The following WWTR1 variants were observed in gnomAD, a reference collection of about 807,000 sequenced individuals.
WWTR1 encodes the protein WW domain-containing transcription regulator protein 1.
A neutral mutation model predicts 40.1 loss-of-function variants in WWTR1; 13 were observed. The ratio of observed to expected loss-of-function variants is 0.32; its 90% CI spans 0.21 to 0.52. WWTR1 has a LOEUF of 0.52. WWTR1 is among the 20% of genes least tolerant of loss of function. WWTR1 has a pLI of 0.97. For synonymous variants in WWTR1, 230 were observed against 210.1 expected (o/e 1.09, Z -0.82); for missense variants, 436 against 523.1 (o/e 0.83, Z 1.63).
intron 2 of WWTR1, among the ~76,000 whole-genome samples, chr3:149,610,106 G>A (rs1360674200): frequency 1.3e-5 from 2 of 152,052 alleles, no homozygotes; most frequent in Non-Finnish European, 2.9e-5. Context: ...AAGCATTTTT[G>A]TTTTCCCTTG....
At chr3:149,541,303 TG>T in intron 4 of WWTR1, among the ~76,000 whole-genome samples, 1 of 152,224 alleles carries the variant, frequency 6.6e-6, no homozygotes, top group East Asian at 1.9e-4. Flanking sequence ...GAGAGCACTG[TG>T]GGTTCTTTTA....
chr3:149,669,152 C>A (rs1477103101), intron 2 of WWTR1, among the ~76,000 whole-genome samples: 1 of 152,098 alleles, frequency 6.6e-6, no homozygotes, highest in South Asian at 2.1e-4. Flanking sequence ...AATAAGAACC[C>A]CACATATACA....
chr3:149,565,027 A>G (rs1321533176), intron 3 of WWTR1, among the ~76,000 whole-genome samples: 1 of 151,868 alleles, frequency 6.6e-6, no homozygotes, highest in Non-Finnish European at 1.5e-5. Context: ...CCTCTACTAA[A>G]AAGTACAAAA....
chr3:149,644,603 G>A (rs1712376459), intron 2 of WWTR1, among the ~76,000 whole-genome samples: 1 of 152,182 alleles, frequency 6.6e-6, no homozygotes, highest in African/African-American at 2.4e-5. Context: ...TTTAATCCAT[G>A]TCTGTACTCT....
intron 5 of WWTR1, among the ~76,000 whole-genome samples, chr3:149,711,353 G>C (rs1715473352): frequency 6.6e-6 from 1 of 152,016 alleles, no homozygotes; most frequent in Admixed American, 6.6e-5. Context: ...TCAGGATCTT[G>C]ATATAATAGT....
chr3:149,667,426 T>C (rs1038556385), intron 2 of WWTR1, among the ~76,000 whole-genome samples: 21 of 151,820 alleles, frequency 1.4e-4, no homozygotes, highest in Non-Finnish European at 5.9e-5. Context: ...TGGGCACCTG[T>C]AGTCCCAGCT....
upstream of WWTR1, among the ~76,000 whole-genome samples, chr3:149,706,735 A>G (rs376925115): frequency 2.6e-5 from 4 of 152,224 alleles, no homozygotes; most frequent in East Asian, 3.8e-4. Context: ...ATATTATTAT[A>G]AAGTAAAACA....
chr3:149,593,388 C>CTT (rs549589219), intron 2 of WWTR1, among the ~76,000 whole-genome samples: 7,710 of 144,476 alleles, frequency 0.053, 528 homozygotes, highest in African/African-American at 0.17. Flanking sequence ...AGTTTTCTTT[C>CTT]TTTTTTTTTT....
intron 3 of WWTR1, among the ~76,000 whole-genome samples, chr3:149,558,241 C>T (rs961952687): frequency 4.0e-5 from 6 of 151,802 alleles, no homozygotes; most frequent in Non-Finnish European, 5.9e-5. Flanking sequence ...AGACAGTCAA[C>T]TGCTTGTGAC....
chr3:149,529,673 AG>A (rs1393299609), intron 4 of WWTR1, among the ~76,000 whole-genome samples: 2 of 152,190 alleles, frequency 1.3e-5, no homozygotes, highest in East Asian at 1.9e-4. Context: ...CATGGCAGGC[AG>A]GGTGCATTAG....
At chr3:149,653,784 CA>C (rs1370770778) in intron 2 of WWTR1, among the ~76,000 whole-genome samples, 1 of 152,120 alleles carries the variant, frequency 6.6e-6, no homozygotes, top group Non-Finnish European at 1.5e-5. Context: ...AAGTAGACAG[CA>C]ACAGATTAGA....
chr3:149,596,468 CTGAT>C (rs747402138), intron 2 of WWTR1, among the ~76,000 whole-genome samples: 1 of 151,498 alleles, frequency 6.6e-6, no homozygotes, highest in Non-Finnish European at 1.5e-5. Context: ...TGTCAGTGCA[CTGAT>C]TAAGTTAGAA....
chr3:149,520,830 C>G lies in WWTR1; in HGVS notation c.1178G>C (p.Ser393Thr), dbSNP rs1202416815. 1 of 1,605,748 alleles carries G rather than the reference C, an allele frequency of 6.2e-7. No homozygotes were observed. The highest frequency in any genetic ancestry group is 1.3e-5 in the African/African-American group (1 of 74,270). Residue 393 changes from serine to threonine, a missense_variant, in exon 7 of 7, where the codon AGT becomes ACT. Physicochemically the swap from Ser to Thr is moderately conservative, Grantham distance 58 (BLOSUM62 1). Coordinates refer to ENST00000360632, the MANE Select transcript of WWTR1 (RefSeq NM_015472.6). ...TTACAGCCAGGTTAGAAAGGGCTCA[C>G]TTTTGTTCAGAGCAGACTCTACATC... ...FNDVESALNK[S>T]EPFLTWL
chr3:149,628,751 TA>T (rs68140850), intron 2 of WWTR1, among the ~76,000 whole-genome samples: 1 of 47,028 alleles, frequency 2.1e-5, no homozygotes, highest in African/African-American at 4.6e-5. Flanking sequence ...TATTTTATTT[TA>T]TTTTATTTTA....
At chr3:149,634,407 G>A (rs1711707948) in intron 2 of WWTR1, among the ~76,000 whole-genome samples, 1 of 152,192 alleles carries the variant, frequency 6.6e-6, no homozygotes, top group African/African-American at 2.4e-5. Flanking sequence ...TAAGATGTCT[G>A]TGACCCAGCT....
intron 1 of WWTR1, among the ~76,000 whole-genome samples, chr3:149,687,946 A>G (rs1714704843): frequency 6.6e-6 from 1 of 151,966 alleles, no homozygotes; most frequent in Non-Finnish European, 1.5e-5. Flanking sequence ...TTGAATAAAC[A>G]TCAGCAGTAG....
intron 3 of WWTR1, among the ~76,000 whole-genome samples, chr3:149,559,043 C>T: frequency 6.6e-6 from 1 of 151,992 alleles, no homozygotes; most frequent in Non-Finnish European, 1.5e-5. Flanking sequence ...CCTGTATTCC[C>T]AGCACTTTGG....
upstream of WWTR1, among the ~76,000 whole-genome samples, chr3:149,661,826 G>A (rs182683757): frequency 1.4e-5 from 2 of 145,084 alleles, no homozygotes; most frequent in Admixed American, 7.1e-5. Context: ...TCCACCTCCC[G>A]GGTTCAAGCG....
At position 149,518,996 on chromosome 3, in the gene WWTR1, C is replaced by T. The variant is rs886820030; in HGVS notation, c.*1809G>A. On this transcript the variant is annotated 3_prime_UTR_variant, in exon 7 of 7. Transcript: ENST00000360632. ...CAATGTACTCTGTACATGTATATTC[C>T]GGTAGATCAAAAGGAATCTTATTTA... The T allele has an allele frequency of 3.3e-5, 5 of 151,776 alleles. No individual in the cohort carries two copies. The highest frequency in any genetic ancestry group is 2.0e-4 in the Admixed American group (3 of 15,220). The allele number at this position is 151,776 out of a possible 1,614,324, so 9.4% of individuals were successfully genotyped here.
Sources: allele counts gnomAD v4.1 joint callset (sites outside exome capture counted in the v4.1 genomes callset), GRCh38; gene constraint gnomAD v4.1.1; transcripts MANE v1.5; gene names NCBI Gene and HGNC (gene_info 2026-07-23, HGNC 2026-07-21).